The following ARL14EPL variants were observed in gnomAD, a reference collection of about 807,000 sequenced individuals.
ARL14EPL encodes ARF like GTPase 14 effector protein like.
Under a neutral mutation model 15.9 loss-of-function variants are expected in ARL14EPL, and 17 were observed. The observed-to-expected ratio is 1.07, with a 90% CI of 0.73 to 1.60. The LOEUF is 1.60. Among genes scored for constraint, ARL14EPL ranks in the 40% most tolerant of loss-of-function variants. ARL14EPL has a pLI of 0.00. For synonymous variants in ARL14EPL, 78 were observed against 63.8 expected (o/e 1.22, Z -1.06); for missense variants, 214 against 185.9 (o/e 1.15, Z -0.88).
intron 3 of ARL14EPL, among the ~76,000 whole-genome samples, chr5:116,056,960 G>C (rs1749531093): frequency 6.6e-6 from 1 of 152,168 alleles, no homozygotes; most frequent in African/African-American, 2.4e-5. Flanking sequence ...AAGCCTGGCA[G>C]AGACACAACA....
rs56060606 is a variant in ARL14EPL at position 116,040,979 on chromosome 5, C to CAAAAAA, written c.-10+8483_-10+8488dup. Among the ~76,000 whole-genome samples the CAAAAAA allele has an allele frequency of 6.3e-3, 417 of 66,148 alleles. 23 individuals are homozygous for CAAAAAA. The highest frequency in any genetic ancestry group is 0.026 in the East Asian group (70 of 2,678). 43.4% of individuals were successfully genotyped at this position (66,148 alleles called of 152,430 possible). A position where few individuals can be genotyped will look rare whatever the true frequency, so the allele number is the denominator to read the frequency against. On this transcript the variant is annotated intron_variant, in intron 1 of 3. Transcript: ENST00000686077. ...TGGGAGACAGAACGAGATTCCCTCT[C>CAAAAAA]AAAAAAAAAAAAAAGTTTTTATGCT...
chr5:116,043,255 T>C (rs180821526), intron 1 of ARL14EPL, among the ~76,000 whole-genome samples: 66 of 150,286 alleles, frequency 4.4e-4, no homozygotes, highest in African/African-American at 1.6e-3. Flanking sequence ...AACCTGATAA[T>C]ACCACTCATA....
chr5:116,036,632 G>A (rs1461674627), intron 1 of ARL14EPL, among the ~76,000 whole-genome samples: 2 of 152,078 alleles, frequency 1.3e-5, no homozygotes, highest in Non-Finnish European at 2.9e-5. Context: ...AGAATGTGCA[G>A]GAATTACAAC....
intron 1 of ARL14EPL, among the ~76,000 whole-genome samples, chr5:116,035,220 A>C (rs1749028059): frequency 6.6e-6 from 1 of 152,132 alleles, no homozygotes. Flanking sequence ...TCTCCTAAGC[A>C]CTCCAGTGCA....
intron 3 of ARL14EPL, among the ~76,000 whole-genome samples, chr5:116,055,169 G>A (rs536231828): frequency 2.4e-4 from 36 of 152,166 alleles, no homozygotes; most frequent in Non-Finnish European, 4.4e-4. Flanking sequence ...TCCCCAGGGA[G>A]TCAGAATTTA....
At chr5:116,032,897 A>T (rs1440153841) in intron 1 of ARL14EPL, among the ~76,000 whole-genome samples, 1 of 152,186 alleles carries the variant, frequency 6.6e-6, no homozygotes, top group African/African-American at 2.4e-5. Flanking sequence ...TCCTGGGCTC[A>T]GGTGATTCTC....
intron 1 of ARL14EPL, among the ~76,000 whole-genome samples, chr5:116,040,131 C>G (rs531437665): frequency 6.6e-6 from 1 of 152,160 alleles, no homozygotes; most frequent in South Asian, 2.1e-4. Flanking sequence ...TAAATTTTTG[C>G]GAAGATCTTT....
chr5:116,049,257 T>C (rs879311761), intron 1 of ARL14EPL, among the ~76,000 whole-genome samples: 1 of 152,218 alleles, frequency 6.6e-6, no homozygotes, highest in Non-Finnish European at 1.5e-5. Flanking sequence ...GAGAGCTTAT[T>C]AATTATGCAG....
intron 1 of ARL14EPL, among the ~76,000 whole-genome samples, chr5:116,033,897 G>A (rs1285687933): frequency 1.3e-5 from 2 of 152,122 alleles, no homozygotes; most frequent in South Asian, 2.1e-4. Context: ...GCTGAACTGC[G>A]CTTTAATTAT....
intron 2 of ARL14EPL, chr5:116,052,309 G>C: frequency 1.7e-6 from 2 of 1,165,792 alleles, no homozygotes; most frequent in Non-Finnish European, 1.3e-6. Flanking sequence ...AGTAGCAGCA[G>C]ACACCGCAGC....
intron 1 of ARL14EPL, among the ~76,000 whole-genome samples, chr5:116,041,824 T>C (rs1749165280): frequency 1.3e-5 from 2 of 152,058 alleles, no homozygotes; most frequent in African/African-American, 4.8e-5. Flanking sequence ...CTAGTCAGTC[T>C]TTTTTAAAAC....
intron 1 of ARL14EPL, among the ~76,000 whole-genome samples, chr5:116,040,828 A>T (rs867884162): frequency 0.015 from 2,186 of 149,724 alleles, 57 homozygotes; most frequent in African/African-American, 0.049. Flanking sequence ...AAAAAAAAAA[A>T]AAATTAGTCG....
chr5:116,054,299 C>A (rs1245936340), intron 3 of ARL14EPL, 146 bp downstream of exon 3: 1 of 924,038 alleles, frequency 1.1e-6, no homozygotes, highest in Non-Finnish European at 1.5e-6. Context: ...TGTGTCTGGA[C>A]GTTAGCAACC....
At chr5:116,040,015 C>T (rs1749119867) in intron 1 of ARL14EPL, among the ~76,000 whole-genome samples, 1 of 152,122 alleles carries the variant, frequency 6.6e-6, no homozygotes, top group Non-Finnish European at 1.5e-5. Flanking sequence ...ATGACTACTT[C>T]ATATCACATT....
intron 1 of ARL14EPL, among the ~76,000 whole-genome samples, chr5:116,036,224 C>T (rs1400245418): frequency 6.6e-6 from 1 of 152,194 alleles, no homozygotes; most frequent in East Asian, 1.9e-4. Context: ...TACTGCTAAA[C>T]CCCATTCACC....
intron 3 of ARL14EPL, among the ~76,000 whole-genome samples, chr5:116,055,337 T>C (rs1166578659): frequency 6.6e-6 from 1 of 152,194 alleles, no homozygotes; most frequent in Non-Finnish European, 1.5e-5. Flanking sequence ...GTCTAATACA[T>C]GTATAGGGAG....
intron 1 of ARL14EPL, among the ~76,000 whole-genome samples, chr5:116,040,112 T>A (rs1392497749): frequency 1.3e-5 from 2 of 152,170 alleles, no homozygotes; most frequent in African/African-American, 4.8e-5. Flanking sequence ...CAAGATTTAC[T>A]CTTGTAGCTA....
chr5:116,039,000 G>A (rs1749099738), intron 1 of ARL14EPL, among the ~76,000 whole-genome samples: 3 of 152,182 alleles, frequency 2.0e-5, no homozygotes, highest in Admixed American at 2.0e-4. Context: ...GAAGCAGAAT[G>A]AGGAAATGCA....
intron 1 of ARL14EPL, among the ~76,000 whole-genome samples, chr5:116,036,531 A>T (rs565687693): frequency 1.6e-4 from 25 of 152,350 alleles, no homozygotes; most frequent in African/African-American, 5.8e-4. Context: ...CATTATTTAG[A>T]CATGTTTTTA....
Sources: allele counts gnomAD v4.1 joint callset (sites outside exome capture counted in the v4.1 genomes callset), GRCh38; gene constraint gnomAD v4.1.1; transcripts MANE v1.5; gene names NCBI Gene and HGNC (gene_info 2026-07-23, HGNC 2026-07-21).